The following LARGE1 variants were observed in gnomAD, a reference collection of about 807,000 sequenced individuals.
LARGE1 encodes xylosyl- and glucuronyltransferase LARGE1.
Under a neutral mutation model 87.6 loss-of-function variants are expected in LARGE1, and 43 were observed. That is an observed-to-expected ratio of 0.49 (90% CI 0.38 to 0.63). The LOEUF is 0.63. Among genes scored for constraint, LARGE1 ranks in the 30% least tolerant of loss-of-function variants. The pLI is 0.00. For synonymous variants in LARGE1, 434 were observed against 394.6 expected, an observed-to-expected ratio of 1.10 and a Z score of -1.18; for missense variants, 802 against 1,000.2, an observed-to-expected ratio of 0.80 and a Z score of 2.67.
At chr22:33,821,308 G>A (rs1156261903) in intron 1 of LARGE1, among the ~76,000 whole-genome samples, 2 of 152,014 alleles carry the variant, frequency 1.3e-5, no homozygotes, top group Non-Finnish European at 2.9e-5. Context: ...GCTACTGAGG[G>A]CTACTGTAGG....
At chr22:33,834,083 G>A (rs2063046881) in intron 1 of LARGE1, among the ~76,000 whole-genome samples, 2 of 152,060 alleles carry the variant, frequency 1.3e-5, no homozygotes, top group Admixed American at 1.3e-4. Flanking sequence ...GGGATTCAAG[G>A]TAATAAAGCC....
At chr22:33,451,389 A>G (rs539137717) in intron 6 of LARGE1, among the ~76,000 whole-genome samples, 3 of 146,882 alleles carry the variant, frequency 2.0e-5, no homozygotes, top group Admixed American at 1.4e-4. Flanking sequence ...CTTTTTGGGG[A>G]ACAGGTGATG....
chr22:33,459,316 A>C (rs2068270427), intron 6 of LARGE1, among the ~76,000 whole-genome samples: 4 of 152,070 alleles, frequency 2.6e-5, no homozygotes, highest in African/African-American at 9.7e-5. Flanking sequence ...CTTCCCTCCA[A>C]ATGCACAGGC....
At chr22:33,471,944 G>A (rs1185778435) in intron 6 of LARGE1, among the ~76,000 whole-genome samples, 2 of 152,114 alleles carry the variant, frequency 1.3e-5, no homozygotes, top group Non-Finnish European at 2.9e-5. Context: ...TAGCTACTCG[G>A]GAGGCTGAGG....
intron 7 of LARGE1, among the ~76,000 whole-genome samples, chr22:33,409,245 T>C (rs781757441): frequency 1.3e-5 from 2 of 152,020 alleles, no homozygotes; most frequent in Non-Finnish European, 2.9e-5. Context: ...GGAGGGGCTA[T>C]TGAAGCATAA....
At chr22:33,630,383 G>A (rs151011898) in intron 3 of LARGE1, among the ~76,000 whole-genome samples, 21 of 152,224 alleles carry the variant, frequency 1.4e-4, no homozygotes, top group African/African-American at 4.8e-4. Context: ...TCATCGTTAG[G>A]TGACTTTGTC....
intron 6 of LARGE1, among the ~76,000 whole-genome samples, chr22:33,446,728 C>T (rs760020322): frequency 1.3e-5 from 2 of 152,072 alleles, no homozygotes; most frequent in African/African-American, 2.4e-5. Flanking sequence ...GATTTCTCCA[C>T]GAAGGACAAG....
the LARGE1 span, among the ~76,000 whole-genome samples, chr22:33,132,511 T>C: frequency 2.6e-5 from 2 of 77,016 alleles, 1 homozygote; most frequent in Non-Finnish European, 6.1e-5. Context: ...TAATGTTGAA[T>C]TAAAAGTCAT....
In LARGE1 at chr22:33,444,801, C is replaced by T. The variant is rs147685871; in HGVS notation, c.788-12536G>A. On this transcript the variant is annotated intron_variant, in intron 6 of 14. Transcript: ENST00000397394. ...AGTCTAGCAACAAGCAGGGCTGAGG[C>T]GGTCCCTTCCCTCAGTGGAGCTTAC... Among the ~76,000 whole-genome samples, 10 of 152,130 alleles carry T rather than the reference C, an allele frequency of 6.6e-5. No homozygotes were observed. In the East Asian group the frequency reaches 9.8e-4, roughly 15 times the overall value.
intron 4 of LARGE1, among the ~76,000 whole-genome samples, chr22:33,609,780 G>C (rs569288635): frequency 2.6e-5 from 4 of 152,000 alleles, no homozygotes; most frequent in Non-Finnish European, 5.9e-5. Flanking sequence ...TCATGGGGGC[G>C]GATCCCTCAT....
chr22:33,802,236 A>T (rs2086184173), intron 1 of LARGE1, among the ~76,000 whole-genome samples: 1 of 152,126 alleles, frequency 6.6e-6, no homozygotes, highest in Admixed American at 6.5e-5. Context: ...ACAGCTGCTG[A>T]CTCCATAAGC....
At chr22:33,835,383 T>C (rs2063082851) in intron 1 of LARGE1, among the ~76,000 whole-genome samples, 1 of 152,224 alleles carries the variant, frequency 6.6e-6, no homozygotes, top group Non-Finnish European at 1.5e-5. Context: ...CACTGCTGCC[T>C]GCAATAGAGG....
intron 7 of LARGE1, among the ~76,000 whole-genome samples, chr22:33,401,314 T>TA (rs1020381205): frequency 2.6e-4 from 40 of 152,132 alleles, no homozygotes; most frequent in African/African-American, 9.4e-4. Context: ...GTAGTTAAGT[T>TA]AAAATGAGGT....
At chr22:33,276,823 G>C (rs1929399645) in intron 14 of LARGE1, among the ~76,000 whole-genome samples, 1 of 152,158 alleles carries the variant, frequency 6.6e-6, no homozygotes, top group Non-Finnish European at 1.5e-5. Context: ...GAAATGGTTT[G>C]TCACAGGAAA....
intron 10 of LARGE1, among the ~76,000 whole-genome samples, chr22:33,330,806 C>G (rs1937613827): frequency 1.3e-5 from 2 of 152,210 alleles, no homozygotes; most frequent in Non-Finnish European, 2.9e-5. Flanking sequence ...CCCCTCACAT[C>G]TTGGCTCCTT....
At chr22:33,464,631 GA>G (rs1569186836) in intron 6 of LARGE1, among the ~76,000 whole-genome samples, 2 of 152,144 alleles carry the variant, frequency 1.3e-5, no homozygotes, top group Admixed American at 6.5e-5. Flanking sequence ...CATTAATGAT[GA>G]AAAAATGCAA....
intron 12 of LARGE1, among the ~76,000 whole-genome samples, chr22:33,300,599 G>A (rs1934018205): frequency 2.0e-5 from 3 of 152,106 alleles, no homozygotes; most frequent in South Asian, 2.1e-4. Flanking sequence ...GGAGTGCAGT[G>A]GTGCGATGTC....
intron 5 of LARGE1, among the ~76,000 whole-genome samples, chr22:33,589,758 G>T (rs2078783238): frequency 6.6e-6 from 1 of 152,118 alleles, no homozygotes; most frequent in South Asian, 2.1e-4. Context: ...ACTTTACTAT[G>T]AAATGTTCCT....
At chr22:33,585,899 A>G (rs532067872) in intron 5 of LARGE1, among the ~76,000 whole-genome samples, 112 of 152,296 alleles carry the variant, frequency 7.4e-4, no homozygotes, top group African/African-American at 2.6e-3. Flanking sequence ...GGGTTTCACC[A>G]TGTTGGCCAG....
Sources: allele counts gnomAD v4.1 joint callset (sites outside exome capture counted in the v4.1 genomes callset), GRCh38; gene constraint gnomAD v4.1.1; transcripts MANE v1.5; gene names NCBI Gene and HGNC (gene_info 2026-07-23, HGNC 2026-07-21).